Variants in BICC1 observed in about 807,000 individuals in gnomAD.
The protein encoded by BICC1 is protein bicaudal C homolog 1.
In BICC1, 43 loss-of-function variants were observed where a neutral mutation model predicts 111.0. The observed-to-expected ratio is 0.39, with a 90% CI of 0.30 to 0.50. The LOEUF (loss-of-function observed/expected upper bound fraction) is 0.50, where lower values mean the gene tolerates loss of function less well. Ranked by LOEUF, BICC1 falls within the 20% of genes least tolerant of loss-of-function variation. The probability of loss-of-function intolerance (pLI) is 0.88; values close to 1 mark genes in which losing one functional copy is unlikely to be tolerated. For missense variants in BICC1, 1,091 were observed against 1,203.2 expected (o/e 0.91, Z 1.38); for synonymous variants, 467 against 434.4 (o/e 1.07, Z -0.93).
chr10:58,563,479 A>G (rs1843668261), intron 1 of BICC1, among the ~76,000 whole-genome samples: 2 of 152,118 alleles, frequency 1.3e-5, no homozygotes, highest in Admixed American at 6.5e-5. Flanking sequence ...GTTCAAGCCA[A>G]TCCTTGCTGG....
At position 58,803,262 on chromosome 10, in the gene BICC1, A is replaced by G; in HGVS notation, c.2181+20A>G. On this transcript the variant is annotated intron_variant, in intron 15 of 20. Transcript: ENST00000373886. ...ATGCAGGTAATGGTAATAAAATAGG[A>G]AAGCCACTCAAATGTCATATGTTTG... 6.4e-7 allele frequency: 1 copy of G among 1,560,986 alleles called. No homozygotes were observed. Among genetic ancestry groups the G allele is most frequent in the Middle Eastern group, 1.7e-4 (1 of 5,856 alleles).
In BICC1 at chr10:58,787,073, A is replaced by C. The variant is rs757602153; in HGVS notation, c.538A>C (p.Ser180Arg). The change falls in exon 5 of 21, where the codon AGC becomes CGC. Residue 180 changes from serine (S) to arginine (R), a missense_variant. Physicochemically the swap from Ser to Arg is moderately radical, Grantham distance 110 (BLOSUM62 -1). Transcript: ENST00000373886. ...CAACAGGAATAACCAAGCAGAAAAA[A>C]GCAACCAGGTGGTTTGTCTTTTCAC... ...DSNRNNQAEK[S>R]NQVSIAGQPA... 1.5e-5 allele frequency: 23 copies of C among 1,583,020 alleles called. 1 individual carries two copies. The South Asian group carries it at 2.7e-4, about 19-fold the overall frequency.
At chr10:58,687,536 C>A (rs1564554198) in intron 2 of BICC1, among the ~76,000 whole-genome samples, 1 of 152,196 alleles carries the variant, frequency 6.6e-6, no homozygotes. Context: ...AGCTTCCTGG[C>A]CACTTTGTTT....
chr10:58,613,549 T>A (rs1008281523), intron 1 of BICC1, among the ~76,000 whole-genome samples: 1 of 152,106 alleles, frequency 6.6e-6, no homozygotes, highest in Non-Finnish European at 1.5e-5. Flanking sequence ...TATTATCATA[T>A]CTCATATATA....
intron 2 of BICC1, among the ~76,000 whole-genome samples, chr10:58,653,430 G>A (rs1838515135): frequency 6.6e-6 from 1 of 152,046 alleles, no homozygotes; most frequent in South Asian, 2.1e-4. Flanking sequence ...CCAAGACTGT[G>A]GACACCAAAG....
At chr10:58,530,814 A>G (rs1842664007) in intron 1 of BICC1, among the ~76,000 whole-genome samples, 1 of 151,762 alleles carries the variant, frequency 6.6e-6, no homozygotes, top group South Asian at 2.1e-4. Context: ...GCTTTATGAG[A>G]TTACAAAAAT....
intron 1 of BICC1, among the ~76,000 whole-genome samples, chr10:58,575,593 T>G (rs1038372909): frequency 6.6e-5 from 10 of 150,702 alleles, no homozygotes; most frequent in Non-Finnish European, 1.2e-4. Context: ...TTGTTGTTGG[T>G]TTTTTTTTGT....
intron 3 of BICC1, among the ~76,000 whole-genome samples, chr10:58,712,291 C>A (rs1481604213): frequency 6.6e-6 from 1 of 152,142 alleles, no homozygotes; most frequent in African/African-American, 2.4e-5. Flanking sequence ...GATGGTTTTG[C>A]AGTTTCTTGT....
chr10:58,677,099 C>G (rs939592104), intron 2 of BICC1, among the ~76,000 whole-genome samples: 26 of 152,174 alleles, frequency 1.7e-4, no homozygotes, highest in African/African-American at 6.3e-4. Flanking sequence ...GAGGAAAAAG[C>G]AGCGCAAAAA....
At chr10:58,745,855 G>A (rs990493269) in intron 3 of BICC1, among the ~76,000 whole-genome samples, 2 of 152,016 alleles carry the variant, frequency 1.3e-5, no homozygotes, top group Non-Finnish European at 2.9e-5. Context: ...TTAAGGGTTA[G>A]GATGTGGAGA....
intron 14 of BICC1, among the ~76,000 whole-genome samples, chr10:58,801,558 C>T (rs1368095404): frequency 6.6e-6 from 1 of 151,646 alleles, no homozygotes; most frequent in Non-Finnish European, 1.5e-5. Flanking sequence ...ATAACTCTTC[C>T]TTACCATAGC....
intron 2 of BICC1, among the ~76,000 whole-genome samples, chr10:58,696,402 A>T (rs1414298281): frequency 6.6e-6 from 1 of 152,152 alleles, no homozygotes; most frequent in Non-Finnish European, 1.5e-5. Context: ...TAAAATTGAT[A>T]TTCTTTGGGC....
At chr10:58,810,321 T>G (rs936635122) in intron 17 of BICC1, among the ~76,000 whole-genome samples, 1 of 152,156 alleles carries the variant, frequency 6.6e-6, no homozygotes, top group African/African-American at 2.4e-5. Flanking sequence ...TCCTGGCTGG[T>G]GTTTAGCAGC....
chr10:58,631,760 A>C (rs1588950925), intron 2 of BICC1, among the ~76,000 whole-genome samples: 1 of 152,214 alleles, frequency 6.6e-6, no homozygotes, highest in Non-Finnish European at 1.5e-5. Flanking sequence ...GAAGAAAACA[A>C]AACAGAAAAA....
chr10:58,734,510 T>A (rs999924672), intron 3 of BICC1, among the ~76,000 whole-genome samples: 2 of 152,250 alleles, frequency 1.3e-5, no homozygotes, highest in East Asian at 3.8e-4. Context: ...AGAGGAGCCA[T>A]CATGATGTGG....
intron 1 of BICC1, among the ~76,000 whole-genome samples, chr10:58,569,645 G>A (rs946329179): frequency 1.3e-5 from 2 of 152,062 alleles, no homozygotes; most frequent in African/African-American, 4.8e-5. Flanking sequence ...CGTGGTGTTC[G>A]GTTTTCTGTT....
In BICC1 at chr10:58,787,051, C is replaced by T. The variant is rs760291935; in HGVS notation, c.516C>T (p.Asn172=). The change falls in exon 5 of 21, where the codon AAC becomes AAT. Residue 172 remains asparagine (N), a synonymous_variant. Coordinates refer to ENST00000373886, the MANE Select transcript of BICC1 (RefSeq NM_001080512.3). The part of the protein sequence containing the change: ...TGCHIHFPDS[N]RNNQAEKSNQ... Reference sequence around the variant, plus strand: ...GCCATATCCACTTTCCAGATTCCAACAGGAATAACCAAGCAGAAAAAAGCA... The same window carrying T: ...GCCATATCCACTTTCCAGATTCCAATAGGAATAACCAAGCAGAAAAAAGCA... 20 of 1,586,478 alleles carry T rather than the reference C, an allele frequency of 1.3e-5. No homozygotes were observed. The highest frequency in any genetic ancestry group is 1.8e-5 in the Admixed American group (1 of 54,184).
intron 3 of BICC1, among the ~76,000 whole-genome samples, chr10:58,779,256 C>T (rs1392327094): frequency 6.6e-6 from 1 of 152,180 alleles, no homozygotes; most frequent in Admixed American, 6.5e-5. Context: ...TTAGATGGCT[C>T]AGATAGGGTT....
intron 1 of BICC1, among the ~76,000 whole-genome samples, chr10:58,609,371 A>C (rs568112482): frequency 6.6e-6 from 1 of 152,192 alleles, no homozygotes; most frequent in Non-Finnish European, 1.5e-5. Context: ...TCAGTTCCTC[A>C]TAGCCTGTAG....
Sources: gnomAD v4.1 joint callset for allele counts (sites outside exome capture counted in the v4.1 genomes callset) on GRCh38, gnomAD v4.1.1 for gene constraint, MANE v1.5 for transcripts, NCBI Gene and HGNC (gene_info 2026-07-23, HGNC 2026-07-21) for gene names.